The following TEAD1 variants were observed in gnomAD, a reference collection of about 807,000 sequenced individuals.
TEAD1 encodes the protein TEA domain transcription factor 1.
A neutral mutation model predicts 54.9 loss-of-function variants in TEAD1; 9 were observed. That is an observed-to-expected ratio of 0.16 (90% CI 0.10 to 0.29). TEAD1 has a LOEUF of 0.29. Among genes scored for constraint, TEAD1 ranks in the 10% least tolerant of loss-of-function variants. The probability of loss-of-function intolerance (pLI) is 1.00; values close to 1 mark genes in which losing one functional copy is unlikely to be tolerated. For synonymous variants in TEAD1, 200 were observed against 187.8 expected, an observed-to-expected ratio of 1.07 and a Z score of -0.53; for missense variants, 387 against 535.9, an observed-to-expected ratio of 0.72 and a Z score of 2.74.
intron 6 of TEAD1, 67 bp downstream of exon 6, chr11:12,879,909 G>A: frequency 6.2e-7 from 1 of 1,605,982 alleles, no homozygotes; most frequent in Non-Finnish European, 8.5e-7. Flanking sequence ...CCAGTGTTAA[G>A]CCTCCCACCT....
chr11:12,789,777 C>T (rs1424001837), intron 3 of TEAD1, among the ~76,000 whole-genome samples: 8 of 152,202 alleles, frequency 5.3e-5, no homozygotes, highest in Admixed American at 1.3e-4. Context: ...CGGCTGGGCT[C>T]GGCTGGGCTC....
At chr11:12,911,878 T>A (rs16911746) in intron 10 of TEAD1, among the ~76,000 whole-genome samples, 1 of 151,972 alleles carries the variant, frequency 6.6e-6, no homozygotes, top group Admixed American at 6.5e-5. Context: ...CCAAACTTCT[T>A]TGTAGGCCTT....
intron 2 of TEAD1, among the ~76,000 whole-genome samples, chr11:12,723,504 CTG>C (rs1434689370): frequency 4.6e-5 from 7 of 152,116 alleles, no homozygotes; most frequent in South Asian, 2.1e-4. Context: ...GTTGGATTAA[CTG>C]TTCGTGATTT....
At chr11:12,904,942 G>C (rs1409999659) in intron 10 of TEAD1, 3 of 269,166 alleles carry the variant, frequency 1.1e-5, no homozygotes, top group African/African-American at 4.6e-5. Flanking sequence ...CAGGCTGTCT[G>C]GTACATCAAT....
At chr11:12,702,884 AT>A (rs1943733594) in intron 2 of TEAD1, among the ~76,000 whole-genome samples, 2 of 152,272 alleles carry the variant, frequency 1.3e-5, no homozygotes, top group East Asian at 3.9e-4. Context: ...GATTCATTTA[AT>A]TTTCACAATA....
intron 10 of TEAD1, among the ~76,000 whole-genome samples, chr11:12,905,302 G>A (rs1948499089): frequency 6.6e-6 from 1 of 152,102 alleles, no homozygotes; most frequent in Non-Finnish European, 1.5e-5. Context: ...ACAAAGTCTA[G>A]ATTGCAGATG....
intron 2 of TEAD1, among the ~76,000 whole-genome samples, chr11:12,747,149 A>G (rs1944762044): frequency 6.6e-6 from 1 of 152,206 alleles, no homozygotes; most frequent in Non-Finnish European, 1.5e-5. Context: ...AAGAATCATC[A>G]AAATTGTATT....
At chr11:12,713,532 G>T (rs1362478332) in intron 2 of TEAD1, among the ~76,000 whole-genome samples, 1 of 152,182 alleles carries the variant, frequency 6.6e-6, no homozygotes, top group Non-Finnish European at 1.5e-5. Context: ...TACATGGGTG[G>T]CCTGTAGAAC....
intron 9 of TEAD1, among the ~76,000 whole-genome samples, chr11:12,898,205 C>T (rs777158588): frequency 1.2e-4 from 19 of 152,110 alleles, no homozygotes; most frequent in Non-Finnish European, 1.6e-4. Flanking sequence ...GGGCCATTAT[C>T]AGGGATTTGA....
In TEAD1 at chr11:12,835,381, C is replaced by T. The variant is rs114005674; in HGVS notation, c.203-26869C>T. ...GGTTTGAGAAGGAGTGTTGCTCCGT[C>T]ACCCAGGCTGGAGTGCAGTGGCGCA... is the stretch of plus-strand genomic sequence containing the variant. On this transcript the variant is annotated intron_variant, in intron 3 of 12. Transcript: ENST00000527636. Among the ~76,000 whole-genome samples the T allele has an allele frequency of 9.8e-3, 1,484 of 152,102 alleles. 22 individuals are homozygous for T. The highest frequency in any genetic ancestry group is 0.034 in the African/African-American group (1,403 of 41,482).
intron 3 of TEAD1, among the ~76,000 whole-genome samples, chr11:12,822,822 C>T (rs1402209235): frequency 6.6e-6 from 1 of 152,176 alleles, no homozygotes; most frequent in Non-Finnish European, 1.5e-5. Flanking sequence ...GAGAACCATG[C>T]AATTATCTCA....
intron 10 of TEAD1, among the ~76,000 whole-genome samples, chr11:12,915,311 A>T (rs903056191): frequency 2.0e-5 from 3 of 152,152 alleles, no homozygotes; most frequent in African/African-American, 7.2e-5. Context: ...TTCACTGGGC[A>T]GGAGTAGCCT....
intron 2 of TEAD1, among the ~76,000 whole-genome samples, chr11:12,726,074 C>G (rs1363282641): frequency 6.6e-6 from 1 of 152,158 alleles, no homozygotes; most frequent in East Asian, 1.9e-4. Context: ...AGGCACAGTC[C>G]TGTCTTCAAG....
chr11:12,762,719 A>G (rs1299023035), intron 2 of TEAD1, among the ~76,000 whole-genome samples: 1 of 152,194 alleles, frequency 6.6e-6, no homozygotes, highest in African/African-American at 2.4e-5. Flanking sequence ...CATTAATTAT[A>G]TAATATTCAT....
intron 3 of TEAD1, among the ~76,000 whole-genome samples, chr11:12,794,227 A>C (rs140996077): frequency 6.6e-6 from 1 of 152,130 alleles, no homozygotes; most frequent in Non-Finnish European, 1.5e-5. Flanking sequence ...GGCATGTCCT[A>C]AGCACCCAGT....
intron 2 of TEAD1, among the ~76,000 whole-genome samples, chr11:12,745,486 G>A (rs557935161): frequency 5.3e-5 from 8 of 152,072 alleles, no homozygotes; most frequent in African/African-American, 1.9e-4. Flanking sequence ...TTGGGAGAGG[G>A]CTGTTTCTGA....
At chr11:12,917,443 C>T (rs1186587613) in intron 10 of TEAD1, among the ~76,000 whole-genome samples, 1 of 152,158 alleles carries the variant, frequency 6.6e-6, no homozygotes, top group Admixed American at 6.6e-5. Flanking sequence ...TGTTTTAAGG[C>T]ACTAAATGTG....
chr11:12,769,777 T>C (rs1945278434), intron 3 of TEAD1, among the ~76,000 whole-genome samples: 1 of 152,144 alleles, frequency 6.6e-6, no homozygotes, highest in Non-Finnish European at 1.5e-5. Flanking sequence ...AACAAACAGC[T>C]ATGTGGTAGA....
At chr11:12,738,586 C>T (rs1944583600) in intron 2 of TEAD1, among the ~76,000 whole-genome samples, 1 of 152,114 alleles carries the variant, frequency 6.6e-6, no homozygotes, top group South Asian at 2.1e-4. Context: ...TGCAAATCAC[C>T]TTGTCCACAT....
Sources: gnomAD v4.1 joint callset for allele counts (sites outside exome capture counted in the v4.1 genomes callset) on GRCh38, gnomAD v4.1.1 for gene constraint, MANE v1.5 for transcripts, NCBI Gene and HGNC (gene_info 2026-07-23, HGNC 2026-07-21) for gene names.